PDE11A: variants seen among roughly 807,000 people sequenced by gnomAD.
The protein encoded by PDE11A is dual 3',5'-cyclic-AMP and -GMP phosphodiesterase 11A.
Under a neutral mutation model 100.5 loss-of-function variants are expected in PDE11A, and 100 were observed. The ratio of observed to expected loss-of-function variants is 1.00; its 90% confidence interval spans 0.85 to 1.18. The LOEUF (loss-of-function observed/expected upper bound fraction) is 1.18. PDE11A is among the 50% of genes most tolerant of loss of function. The pLI is 0.00. For missense variants in PDE11A, 1,141 were observed against 1,152.6 expected, an observed-to-expected ratio of 0.99 and a Z score of 0.15; for synonymous variants, 381 against 420.8, an observed-to-expected ratio of 0.91 and a Z score of 1.16.
chr2:177,873,715 C>T (rs1180336459), intron 5 of PDE11A, among the ~76,000 whole-genome samples: 1 of 152,182 alleles, frequency 6.6e-6, no homozygotes, highest in Non-Finnish European at 1.5e-5. Flanking sequence ...GATTTACTTT[C>T]TCTTCCTATA....
At chr2:178,005,838 A>G (rs1157253303) in intron 2 of PDE11A, among the ~76,000 whole-genome samples, 2 of 152,210 alleles carry the variant, frequency 1.3e-5, no homozygotes, top group Admixed American at 6.5e-5. Context: ...CATGTTCCTG[A>G]TAACTGCAAA....
chr2:177,812,079 T>C (rs1156806051), intron 9 of PDE11A, among the ~76,000 whole-genome samples: 1 of 152,158 alleles, frequency 6.6e-6, no homozygotes, highest in African/African-American at 2.4e-5. Context: ...CAACTAACTT[T>C]TATTAAGTAC....
chr2:177,774,417 C>G (rs1438043), intron 9 of PDE11A, among the ~76,000 whole-genome samples: 152,213 of 152,336 alleles, frequency 1, 76,045 homozygotes, highest in Non-Finnish European at 1. Flanking sequence ...TGATGAATCT[C>G]CAATTGCCTT....
At chr2:177,689,022 A>G (rs995828262) in intron 15 of PDE11A, among the ~76,000 whole-genome samples, 1 of 152,224 alleles carries the variant, frequency 6.6e-6, no homozygotes, top group South Asian at 2.1e-4. Context: ...GTCCATAAAC[A>G]TTAGGAAGGT....
intron 9 of PDE11A, among the ~76,000 whole-genome samples, chr2:177,782,935 AAAC>A (rs1558935938): frequency 2.0e-5 from 3 of 151,908 alleles, no homozygotes; most frequent in Non-Finnish European, 4.4e-5. Flanking sequence ...ACAAACAAAC[AAAC>A]AAACAAACAA....
At chr2:177,752,744 T>C (rs1282379361) in intron 10 of PDE11A, among the ~76,000 whole-genome samples, 5 of 152,222 alleles carry the variant, frequency 3.3e-5, no homozygotes, top group Admixed American at 3.3e-4. Context: ...CCGGAGATAA[T>C]AGCAATTTTC....
chr2:177,958,047 T>C (rs1287806079), intron 2 of PDE11A, among the ~76,000 whole-genome samples: 2 of 151,874 alleles, frequency 1.3e-5, no homozygotes, highest in Non-Finnish European at 1.5e-5. Context: ...CGCGCAACCA[T>C]GCCCTGCTAA....
intron 19 of PDE11A, among the ~76,000 whole-genome samples, chr2:177,640,915 G>A (rs538325595): frequency 4.9e-4 from 74 of 152,266 alleles, no homozygotes; most frequent in African/African-American, 1.7e-3. Flanking sequence ...CATCCAATCT[G>A]TCACAAAAGT....
Position 177,956,845 on chromosome 2 carries a change from G to A in PDE11A, c.1072-51658C>T, listed in dbSNP as rs1470677588. Among the ~76,000 whole-genome samples, 3 of 152,194 alleles carry A rather than the reference G, an allele frequency of 2.0e-5. No homozygotes were observed. The South Asian group carries it at 6.2e-4, about 32-fold the overall frequency. On this transcript the variant is annotated intron_variant, in intron 2 of 19. Coordinates refer to ENST00000286063, the MANE Select transcript of PDE11A (RefSeq NM_016953.4). ...AAACACCGCATGTTCTCGCTCATAG[G>A]TGGGAATTGAACAATGAGAACACAT...
chr2:177,877,878 G>T (rs1168823447), intron 4 of PDE11A, among the ~76,000 whole-genome samples: 1 of 152,230 alleles, frequency 6.6e-6, no homozygotes, highest in African/African-American at 2.4e-5. Context: ...TGCTTCCAAG[G>T]TTGACATTTA....
chr2:177,781,003 G>A (rs548058807), intron 9 of PDE11A, among the ~76,000 whole-genome samples: 2 of 152,314 alleles, frequency 1.3e-5, no homozygotes, highest in South Asian at 4.1e-4. Flanking sequence ...TTTGGCATAA[G>A]AGGCCTAGCT....
chr2:177,785,268 G>A (rs567663182), intron 9 of PDE11A, among the ~76,000 whole-genome samples: 2 of 151,776 alleles, frequency 1.3e-5, no homozygotes, highest in South Asian at 2.1e-4. Flanking sequence ...GTGAGGCAGT[G>A]TAATATGATC....
intron 2 of PDE11A, among the ~76,000 whole-genome samples, chr2:178,009,453 T>C (rs996910243): frequency 2.6e-5 from 4 of 152,230 alleles, no homozygotes; most frequent in African/African-American, 9.6e-5. Context: ...TAGTAGGCTA[T>C]ATTTCATACA....
chr2:178,024,243 C>T (rs2086450086), intron 1 of PDE11A, among the ~76,000 whole-genome samples: 1 of 152,088 alleles, frequency 6.6e-6, no homozygotes, highest in African/African-American at 2.4e-5. Context: ...GAAACCCCAT[C>T]TCTACTAAAA....
rs142571883 is a variant in PDE11A at position 177,932,972 on chromosome 2, G to C, written c.1072-27785C>G. ...ACTGATAATTTTAGCAAGGTTTCAG[G>C]ATGTAAAATTAATGTACAAAAATCA... is the stretch of plus-strand genomic sequence containing the variant. On this transcript the variant is annotated intron_variant, in intron 2 of 19. Coordinates refer to ENST00000286063, the MANE Select transcript of PDE11A (RefSeq NM_016953.4). Among the ~76,000 whole-genome samples, 112 of 152,118 alleles carry C rather than the reference G, an allele frequency of 7.4e-4. 1 individual carries two copies. The highest frequency in any genetic ancestry group is 3.0e-3 in the Admixed American group (46 of 15,284).
intron 19 of PDE11A, among the ~76,000 whole-genome samples, chr2:177,654,846 C>T (rs2080358295): frequency 6.6e-6 from 1 of 152,184 alleles, no homozygotes; most frequent in Non-Finnish European, 1.5e-5. Flanking sequence ...TTTCCTCCCA[C>T]CCTTCCTGCT....
At chr2:178,036,909 C>T (rs1205286152) in intron 1 of PDE11A, among the ~76,000 whole-genome samples, 2 of 152,050 alleles carry the variant, frequency 1.3e-5, no homozygotes, top group Admixed American at 1.3e-4. Flanking sequence ...AACCCAAAAC[C>T]ATAAAAACCC....
At chr2:177,636,754 C>T (rs1301975577) in intron 19 of PDE11A, among the ~76,000 whole-genome samples, 4 of 152,112 alleles carry the variant, frequency 2.6e-5, no homozygotes, top group Non-Finnish European at 5.9e-5. Context: ...TTATAGAATG[C>T]TCTAGAAGCC....
At chr2:177,849,909 TC>T (rs1165416195) in intron 5 of PDE11A, among the ~76,000 whole-genome samples, 4 of 152,094 alleles carry the variant, frequency 2.6e-5, no homozygotes, top group Non-Finnish European at 5.9e-5. Context: ...GGAAGAACAT[TC>T]CATGCTCAAG....
Sources: allele counts gnomAD v4.1 joint callset (sites outside exome capture counted in the v4.1 genomes callset), GRCh38; gene constraint gnomAD v4.1.1; transcripts MANE v1.5; gene names NCBI Gene and HGNC (gene_info 2026-07-23, HGNC 2026-07-21).